Variants in ASAP1 observed in about 807,000 individuals in gnomAD.
The protein encoded by ASAP1 is ArfGAP with SH3 domain, ankyrin repeat and PH domain 1, also known as arf-GAP with SH3 domain, ANK repeat and PH domain-containing protein 1.
In ASAP1, 43 loss-of-function variants were observed where a neutral mutation model predicts 145.2. That is an observed-to-expected ratio of 0.30 (90% confidence interval 0.23 to 0.38). The LOEUF is 0.38. Ranked by LOEUF, ASAP1 falls within the 10% of genes least tolerant of loss-of-function variation. ASAP1 has a pLI of 1.00. For synonymous variants in ASAP1, 546 were observed against 515.5 expected, an observed-to-expected ratio of 1.06 and a Z score of -0.80; for missense variants, 1,018 against 1,355.3, an observed-to-expected ratio of 0.75 and a Z score of 3.91.
At chr8:130,415,430 T>C (rs760038457) in intron 1 of ASAP1, among the ~76,000 whole-genome samples, 8 of 152,124 alleles carry the variant, frequency 5.3e-5, no homozygotes, top group East Asian at 3.9e-4. Context: ...ACTGTGCCAC[T>C]GCACTCCAGT....
intron 13 of ASAP1, among the ~76,000 whole-genome samples, chr8:130,138,918 C>T (rs918349273): frequency 7.3e-5 from 11 of 151,514 alleles, no homozygotes; most frequent in East Asian, 1.9e-4. Context: ...TCTGTAGCCA[C>T]GAAGCAGGCT....
chr8:130,370,871 T>A (rs1827180925), intron 2 of ASAP1, among the ~76,000 whole-genome samples: 1 of 152,134 alleles, frequency 6.6e-6, no homozygotes, highest in African/African-American at 2.4e-5. Context: ...AGCAGATTAG[T>A]GGTTATCAGG....
At chr8:130,060,075 CAAAAAAAA>C (rs55875346) in intron 28 of ASAP1, among the ~76,000 whole-genome samples, 46 of 95,906 alleles carry the variant, frequency 4.8e-4, no homozygotes, top group Admixed American at 7.6e-4. Context: ...GAGCCCTTCT[CAAAAAAAA>C]AAAAAAAAAA....
At chr8:130,151,416 G>T (rs2097646189) in intron 13 of ASAP1, among the ~76,000 whole-genome samples, 1 of 103,992 alleles carries the variant, frequency 9.6e-6, no homozygotes, top group South Asian at 3.2e-4. Context: ...AAAAAAGATT[G>T]CTGAAGAAAT....
chr8:130,070,258 C>T (rs1371901885), intron 27 of ASAP1, among the ~76,000 whole-genome samples: 2 of 152,112 alleles, frequency 1.3e-5, no homozygotes, highest in Non-Finnish European at 2.9e-5. Flanking sequence ...AGGATGGTCT[C>T]CATCTCCTGA....
intron 5 of ASAP1, among the ~76,000 whole-genome samples, chr8:130,212,095 T>C (rs965647543): frequency 2.0e-5 from 3 of 152,194 alleles, no homozygotes; most frequent in Non-Finnish European, 4.4e-5. Context: ...TGCTCTTCCC[T>C]TTCCAGGAAA....
chr8:130,064,310 G>A (rs2097425542), intron 27 of ASAP1, among the ~76,000 whole-genome samples: 1 of 152,142 alleles, frequency 6.6e-6, no homozygotes, highest in African/African-American at 2.4e-5. Context: ...AATAGATGTG[G>A]AAGGGGGAAG....
intron 2 of ASAP1, among the ~76,000 whole-genome samples, chr8:130,372,416 C>T (rs576434709): frequency 2.0e-5 from 3 of 152,360 alleles, no homozygotes; most frequent in African/African-American, 7.2e-5. Context: ...AAGAGACAAA[C>T]AGCAATGGGC....
intron 11 of ASAP1, among the ~76,000 whole-genome samples, chr8:130,164,388 G>A (rs1027884503): frequency 6.6e-6 from 1 of 152,050 alleles, no homozygotes; most frequent in Non-Finnish European, 1.5e-5. Context: ...TGAGGAGTTC[G>A]AGACCAGCCT....
At chr8:130,120,544 C>A (rs2097564171) in intron 18 of ASAP1, among the ~76,000 whole-genome samples, 1 of 152,186 alleles carries the variant, frequency 6.6e-6, no homozygotes, top group Admixed American at 6.5e-5. Flanking sequence ...ATCCGGGAGG[C>A]CAGAACTAGG....
chr8:130,205,137 C>T (rs994913665), intron 5 of ASAP1, among the ~76,000 whole-genome samples: 1 of 152,024 alleles, frequency 6.6e-6, no homozygotes, highest in Admixed American at 6.6e-5. Flanking sequence ...CTCCAATAAG[C>T]GATGGTTTTT....
intron 27 of ASAP1, among the ~76,000 whole-genome samples, chr8:130,065,873 T>C (rs1362023136): frequency 6.6e-6 from 1 of 152,224 alleles, no homozygotes; most frequent in Admixed American, 6.5e-5. Flanking sequence ...TCTACCGCTA[T>C]TGGACCTTAG....
At chr8:130,272,699 T>C (rs992504632) in intron 3 of ASAP1, among the ~76,000 whole-genome samples, 10 of 152,324 alleles carry the variant, frequency 6.6e-5, no homozygotes, top group Admixed American at 5.2e-4. Flanking sequence ...TCATTTGCAA[T>C]GACATGGATA....
At chr8:130,129,937 A>C (rs1018723607) in intron 15 of ASAP1, among the ~76,000 whole-genome samples, 2 of 152,218 alleles carry the variant, frequency 1.3e-5, no homozygotes, top group Non-Finnish European at 2.9e-5. Flanking sequence ...AGAAACTAGA[A>C]ATTGTTTTGT....
At chr8:130,054,949 A>G in intron 29 of ASAP1, 144 bp from the exon 30 acceptor site, 1 of 683,620 alleles carries the variant, frequency 1.5e-6, no homozygotes, top group Non-Finnish European at 2.7e-6. Context: ...CCTTTAGTGA[A>G]CTACAGAGAG....
intron 2 of ASAP1, among the ~76,000 whole-genome samples, chr8:130,400,380 C>T (rs1203131075): frequency 2.0e-5 from 3 of 152,114 alleles, no homozygotes; most frequent in African/African-American, 7.2e-5. Flanking sequence ...TCCACTGAGG[C>T]CAGACTCCTT....
chr8:130,090,521 A>G (rs2097503378), intron 25 of ASAP1, among the ~76,000 whole-genome samples: 1 of 152,206 alleles, frequency 6.6e-6, no homozygotes. Flanking sequence ...GAACTAATTC[A>G]TTAACACCAA....
chr8:130,361,428 G>A (rs1826703222), intron 2 of ASAP1, among the ~76,000 whole-genome samples: 2 of 152,316 alleles, frequency 1.3e-5, no homozygotes, highest in Admixed American at 1.3e-4. Context: ...AACAAGCTAA[G>A]CTAACTGCAA....
chr8:130,179,205 TAATG>T, intron 9 of ASAP1, 55 bp downstream of exon 9: 1 of 1,056,458 alleles, frequency 9.5e-7, no homozygotes, highest in African/African-American at 1.6e-5. Flanking sequence ...TTAAGACAAA[TAATG>T]AAGTACAGGG....
Sources: gnomAD v4.1 joint callset for allele counts (sites outside exome capture counted in the v4.1 genomes callset) on GRCh38, gnomAD v4.1.1 for gene constraint, MANE v1.5 for transcripts, NCBI Gene and HGNC (gene_info 2026-07-23, HGNC 2026-07-21) for gene names.